The following TMEM19 variants were observed in gnomAD, a reference collection of about 807,000 sequenced individuals.
TMEM19 encodes the protein transmembrane protein 19.
TMEM19 carries 21 observed loss-of-function variants against 33.6 expected under a neutral mutation model. That is an observed-to-expected ratio of 0.62 (90% CI 0.44 to 0.90). The LOEUF (loss-of-function observed/expected upper bound fraction) is 0.90, where lower values mean the gene tolerates loss of function less well. TMEM19 is among the 40% of genes least tolerant of loss of function. The probability of loss-of-function intolerance (pLI) is 0.00; values close to 1 mark genes in which losing one functional copy is unlikely to be tolerated. For missense variants in TMEM19, 402 were observed against 401.8 expected (o/e 1.00, Z 0.00); for synonymous variants, 149 against 147.5 (o/e 1.01, Z -0.07).
At chr12:71,689,357 G>A (rs1241517521) in intron 1 of TMEM19, among the ~76,000 whole-genome samples, 2 of 152,156 alleles carry the variant, frequency 1.3e-5, no homozygotes, top group Non-Finnish European at 2.9e-5. Flanking sequence ...TACCATCTAG[G>A]TGTGTGTAAG....
intron 2 of TMEM19, among the ~76,000 whole-genome samples, chr12:71,693,040 C>A (rs1881810008): frequency 6.6e-6 from 1 of 151,726 alleles, no homozygotes; most frequent in African/African-American, 2.4e-5. Context: ...ACTAAAAATA[C>A]AAATATTAGC....
chr12:71,697,140 G>A, intron 3 of TMEM19, 140 bp from the exon 4 acceptor site: 3 of 1,182,518 alleles, frequency 2.5e-6, no homozygotes, highest in Non-Finnish European at 2.3e-6. Context: ...CTGGGCAAAT[G>A]TACCATAACA....
chr12:71,687,213 T>C (rs562882815), intron 1 of TMEM19, among the ~76,000 whole-genome samples: 14 of 152,202 alleles, frequency 9.2e-5, no homozygotes, highest in Non-Finnish European at 2.1e-4. Flanking sequence ...TCCATCTGTC[T>C]TGGTAAAAGA....
chr12:71,698,646 AGAG>A (rs1307813842), intron 4 of TMEM19, among the ~76,000 whole-genome samples: 2 of 150,600 alleles, frequency 1.3e-5, no homozygotes, highest in African/African-American at 2.5e-5. Context: ...AGAGAGAGAG[AGAG>A]AGAGAGAGAG....
intron 4 of TMEM19, among the ~76,000 whole-genome samples, chr12:71,698,559 C>A (rs1219256821): frequency 2.7e-5 from 4 of 150,562 alleles, no homozygotes; most frequent in African/African-American, 9.8e-5. Context: ...GCTATGATCA[C>A]ACCATTGTAC....
At chr12:71,691,495 G>A (rs11178890) in intron 2 of TMEM19, among the ~76,000 whole-genome samples, 16,105 of 150,006 alleles carry the variant, frequency 0.11, 1,320 homozygotes, top group East Asian at 0.44. Flanking sequence ...TGGGCTGGTC[G>A]CAGTGGCTCA....
intron 2 of TMEM19, among the ~76,000 whole-genome samples, chr12:71,693,888 T>C (rs1052312002): frequency 1.1e-4 from 16 of 152,168 alleles, no homozygotes; most frequent in Admixed American, 2.0e-4. Flanking sequence ...TTGCTCCTCA[T>C]TTGCCTTTGG....
intron 2 of TMEM19, among the ~76,000 whole-genome samples, chr12:71,691,350 C>T (rs1327097027): frequency 6.6e-6 from 1 of 151,960 alleles, no homozygotes; most frequent in African/African-American, 2.4e-5. Context: ...TTAACAAATG[C>T]TTATGTCACA....
In TMEM19 at chr12:71,702,207, A is replaced by G. The variant is rs954854634; in HGVS notation, c.*1212A>G. 2.0e-5 allele frequency: 3 copies of G among 152,242 alleles called. No homozygotes were observed. Among genetic ancestry groups the G allele is most frequent in the African/African-American group, 7.2e-5 (3 of 41,456 alleles). 9.4% of individuals were successfully genotyped at this position (152,242 alleles called of 1,614,324 possible). ...ATCTAGAACTGACTTACTTCAGGAC[A>G]GAAGAAAAAACAATCACACCCTTAA... On this transcript the variant is annotated 3_prime_UTR_variant, in exon 6 of 6. Transcript: ENST00000266673.
At position 71,686,436 on chromosome 12, in the gene TMEM19, C is replaced by T. The variant is rs932521146; in HGVS notation, c.-245C>T. On this transcript the variant is annotated 5_prime_UTR_variant, in exon 1 of 6. Coordinates refer to ENST00000266673, the MANE Select transcript of TMEM19 (RefSeq NM_018279.4). ...CCGGCAGCCGGCGACCGGCCCTCAC[C>T]GTCCGCCGGGTTGCGCTCTGCTTTT... 1.4e-5 allele frequency: 5 copies of T among 365,158 alleles called. 1 individual carries two copies. Among genetic ancestry groups the T allele is most frequent in the African/African-American group, 4.4e-5 (2 of 45,498 alleles). The allele number at this position is 365,158 out of a possible 1,614,324, so 22.6% of individuals were successfully genotyped here.
At chr12:71,686,943 G>T (rs1192272087) in intron 1 of TMEM19, 133 bp downstream of exon 1, 2 of 800,526 alleles carry the variant, frequency 2.5e-6, no homozygotes, top group East Asian at 6.0e-5. Flanking sequence ...TCCATAGCCT[G>T]ATTTAACTTA....
Position 71,703,217 on chromosome 12 carries a change from A to T in TMEM19, c.*2222A>T, listed in dbSNP as rs1267551406. 11 of 142,530 alleles carry T rather than the reference A, an allele frequency of 7.7e-5. No homozygotes were observed. Among genetic ancestry groups the T allele is most frequent in the African/African-American group, 2.9e-4 (11 of 37,420 alleles). 8.8% of individuals were successfully genotyped at this position (142,530 alleles called of 1,614,324 possible). On this transcript the variant is annotated 3_prime_UTR_variant, in exon 6 of 6. Transcript: ENST00000266673. ...AAAAAAAAAAAAAAAAAAAAAAAAAAAAAAAAAAAGAATATTCTAAGCACT... is the reference window on the plus strand; with the variant it reads ...AAAAAAAAAAAAAAAAAAAAAAAAATAAAAAAAAAGAATATTCTAAGCACT...
intron 3 of TMEM19, among the ~76,000 whole-genome samples, 181 bp downstream of exon 3, chr12:71,696,754 C>T (rs1176794969): frequency 1.3e-5 from 2 of 151,744 alleles, no homozygotes; most frequent in East Asian, 3.9e-4. Context: ...TCACACCATT[C>T]TCCTGGCTCA....
chr12:71,695,053 C>A (rs1447303189), intron 2 of TMEM19, among the ~76,000 whole-genome samples: 4 of 152,136 alleles, frequency 2.6e-5, no homozygotes, highest in African/African-American at 9.7e-5. Flanking sequence ...GCCCTATTGT[C>A]ATATATATGA....
rs1468040455 is a variant in TMEM19 at position 71,702,939 on chromosome 12, G to A, written c.*1944G>A. On this transcript the variant is annotated 3_prime_UTR_variant, in exon 6 of 6. Coordinates refer to ENST00000266673, the MANE Select transcript of TMEM19 (RefSeq NM_018279.4). ...TCATGCCTGTAATCCCAGCATTTTG[G>A]AAGGCCGAGGCGGGTGGATCACTTG... is the stretch of plus-strand genomic sequence containing the variant. 1 of 152,034 alleles carries A rather than the reference G, an allele frequency of 6.6e-6. No homozygotes were observed. The highest frequency in any genetic ancestry group is 1.5e-5 in the Non-Finnish European group (1 of 68,044). 9.4% of individuals were successfully genotyped at this position (152,034 alleles called of 1,614,324 possible). A position where few individuals can be genotyped will look rare whatever the true frequency, so the allele number is the denominator to read the frequency against.
At position 71,696,538 on chromosome 12, in the gene TMEM19, A is replaced by C. The variant is rs766886261; in HGVS notation, c.347A>C (p.Glu116Ala). The change falls in exon 3 of 6, where the codon GAA (glutamate) becomes GCA (alanine). Residue 116 changes from glutamate to alanine, a missense_variant. By Grantham distance (107) the Glu-to-Ala change is moderately radical. Transcript: ENST00000266673. ...SSSKLTKWKGEVKKRLDSEYK... is the reference protein window; with the variant it reads ...SSSKLTKWKGAVKKRLDSEYK... ...TCGAAACTCACTAAATGGAAGGGAG[A>C]AGTGAAGAAGCGTCTAGATTCAGAA... The C allele has an allele frequency of 1.2e-5, 19 of 1,610,922 alleles. No homozygotes were observed. In the Admixed American group the frequency reaches 3.0e-4, roughly 26 times the overall value.
chr12:71,694,805 G>GTCCCTCCCT lies in TMEM19; in HGVS notation c.245-1630_245-1629insCCCTCCCTT, dbSNP rs1311148015. Among the ~76,000 whole-genome samples the GTCCCTCCCT allele has an allele frequency of 5.9e-5, 9 of 152,320 alleles. No individual in the cohort carries two copies. The South Asian group carries it at 1.9e-3, about 32-fold the overall frequency. On this transcript the variant is annotated intron_variant, in intron 2 of 5. Transcript: ENST00000266673. ...TTATAGAATATGTATGAAGCAATAG[G>GTCCCTCCCT]TGAGCTTTGAGTTTATTAAATTACT...
In TMEM19 at chr12:71,686,287, A is replaced by T. The variant is rs1322293702; in HGVS notation, c.-394A>T. On this transcript the variant is annotated 5_prime_UTR_variant, in exon 1 of 6. Coordinates refer to ENST00000266673, the MANE Select transcript of TMEM19 (RefSeq NM_018279.4). ...GCTGCCCCTTTGCAGCCGCTGGCCT[A>T]CCCGGCCCGCGGGTGAGAAGGTTGC... 4.2e-5 allele frequency: 10 copies of T among 239,292 alleles called. No individual in the cohort carries two copies. Among genetic ancestry groups the T allele is most frequent in the Middle Eastern group, 1.5e-3 (1 of 686 alleles). The allele number at this position is 239,292 out of a possible 1,614,324, so 14.8% of individuals were successfully genotyped here.
chr12:71,694,792 T>TA (rs1230380836), intron 2 of TMEM19, among the ~76,000 whole-genome samples: 3 of 152,208 alleles, frequency 2.0e-5, no homozygotes, highest in African/African-American at 4.8e-5. Flanking sequence ...ATAGAATATG[T>TA]ATGAAGCAAT....
Sources: allele counts gnomAD v4.1 joint callset (sites outside exome capture counted in the v4.1 genomes callset), GRCh38; gene constraint gnomAD v4.1.1; transcripts MANE v1.5; gene names NCBI Gene and HGNC (gene_info 2026-07-23, HGNC 2026-07-21).